Variants in TAS1R1 observed in about 807,000 individuals in gnomAD.
TAS1R1 encodes taste 1 receptor member 1.
In TAS1R1, 31 loss-of-function variants were observed where a neutral mutation model predicts 45.8. The ratio of observed to expected loss-of-function variants is 0.68; its 90% CI spans 0.51 to 0.91. The LOEUF is 0.91. Ranked by LOEUF, TAS1R1 falls within the 40% of genes least tolerant of loss-of-function variation. The probability of loss-of-function intolerance (pLI) is 0.00; values close to 1 mark genes in which losing one functional copy is unlikely to be tolerated. For missense variants in TAS1R1, 1,051 were observed against 1,063.9 expected (o/e 0.99, Z 0.17); for synonymous variants, 437 against 448.4 (o/e 0.97, Z 0.32).
intron 1 of TAS1R1, among the ~76,000 whole-genome samples, chr1:6,561,936 G>C (rs3986418): frequency 0.79 from 120,821 of 152,030 alleles, 49,215 homozygotes; most frequent in Non-Finnish European, 0.88. Flanking sequence ...GGGGCCAACT[G>C]TAGTATGGAG....
chr1:6,575,957 G>A (rs921484384), intron 3 of TAS1R1, among the ~76,000 whole-genome samples: 29 of 152,124 alleles, frequency 1.9e-4, no homozygotes, highest in African/African-American at 6.8e-4. Context: ...TCCTCCCAAA[G>A]TGCTGGGATT....
intron 1 of TAS1R1, among the ~76,000 whole-genome samples, chr1:6,556,575 A>G (rs1234674196): frequency 6.6e-6 from 1 of 151,162 alleles, no homozygotes; most frequent in Non-Finnish European, 1.5e-5. Context: ...TAATTTTTGT[A>G]TTTTTCGTAG....
At chr1:6,559,666 A>C (rs1406558426) in intron 1 of TAS1R1, among the ~76,000 whole-genome samples, 1 of 150,556 alleles carries the variant, frequency 6.6e-6, no homozygotes, top group Non-Finnish European at 1.5e-5. Context: ...CTCAAAAAAA[A>C]AAAAAAAGCC....
Position 6,575,288 on chromosome 1 carries a change from G to A in TAS1R1, c.1156G>A (p.Ala386Thr), listed in dbSNP as rs1640136217. 1 of 1,613,140 alleles carries A rather than the reference G, an allele frequency of 6.2e-7. No individual in the cohort carries two copies. The highest frequency in any genetic ancestry group is 2.2e-5 in the East Asian group (1 of 44,882). Residue 386 changes from alanine to threonine, a missense_variant, in exon 3 of 6, where the codon GCC becomes ACC. Physicochemically the swap from Ala to Thr is moderately conservative, Grantham distance 58. Coordinates refer to ENST00000333172, the MANE Select transcript of TAS1R1 (RefSeq NM_138697.4). ...GCTCAAAGCCTTCTCCATGAGTTCT[G>A]CCTACAACGCATACCGGGCTGTGTA... ...PKLKAFSMSS[A>T]YNAYRAVYAV... is the part of the protein sequence containing the mutation.
rs200570210 is a variant in TAS1R1, at chr1:6,576,513, C to G, written c.1359C>G (p.Ala453=). The change falls in exon 4 of 6, where the codon GCC becomes GCG. Residue 453 remains alanine (A), a synonymous_variant. Transcript: ENST00000333172. Reference sequence around the variant, plus strand: ...CCCTCAGTAGCTATAACATAATTGCCTGGGACTGGAATGGACCCAAGTGGA... The same window carrying G: ...CCCTCAGTAGCTATAACATAATTGCGTGGGACTGGAATGGACCCAAGTGGA... ...RDPLSSYNII[A]WDWNGPKWTF... is the part of the protein sequence containing the mutation. 1.2e-5 allele frequency: 20 copies of G among 1,614,142 alleles called. No homozygotes were observed. Among genetic ancestry groups the G allele is most frequent in the Non-Finnish European group, 1.3e-5 (15 of 1,180,060 alleles).
intron 1 of TAS1R1, among the ~76,000 whole-genome samples, chr1:6,555,923 C>G (rs1217104795): frequency 8.3e-6 from 1 of 120,410 alleles, no homozygotes; most frequent in African/African-American, 3.0e-5. Context: ...CCAGGTGGGA[C>G]TGCAGTGGCG....
chr1:6,566,689 A>G (rs933361314), intron 1 of TAS1R1, among the ~76,000 whole-genome samples: 2 of 152,144 alleles, frequency 1.3e-5, no homozygotes, highest in African/African-American at 4.8e-5. Flanking sequence ...TCCACCTCCC[A>G]GGTTCGCACC....
At chr1:6,571,306 G>T in intron 2 of TAS1R1, 91 bp downstream of exon 2, 2 of 1,380,888 alleles carry the variant, frequency 1.4e-6, no homozygotes, top group Non-Finnish European at 9.7e-7. Flanking sequence ...CCCCAAGGCT[G>T]CCTGCCCCCT....
rs1640178821 is a variant in TAS1R1, at chr1:6,576,547, G to A, written c.1393G>A (p.Val465Ile). The A allele has an allele frequency of 1.9e-6, 3 of 1,614,232 alleles. No homozygotes were observed. The highest frequency in any genetic ancestry group is 2.5e-6 in the Non-Finnish European group (3 of 1,180,050). ...GAATGGACCCAAGTGGACCTTCACG[G>A]TCCTCGGTTCCTCCACATGGTCTCC... ...DWNGPKWTFTVLGSSTWSPVQ... is the reference protein window; with the variant it reads ...DWNGPKWTFTILGSSTWSPVQ... Residue 465 changes from valine (V) to isoleucine (I), a missense_variant, in exon 4 of 6, where the codon GTC (valine) becomes ATC (isoleucine). Val to Ile is a conservative substitution (Grantham distance 29, BLOSUM62 3). Transcript: ENST00000333172.
At chr1:6,555,778 GTTGTA>G (rs1227107915) in intron 1 of TAS1R1, among the ~76,000 whole-genome samples, 3 of 149,944 alleles carry the variant, frequency 2.0e-5, no homozygotes, top group Admixed American at 6.7e-5. Context: ...GTTAGAATGT[GTTGTA>G]TTGTAACTTC....
In TAS1R1 at chr1:6,574,057, A is replaced by T. The variant is rs1405936793; in HGVS notation, c.499-574A>T. Among the ~76,000 whole-genome samples, 1 of 152,200 alleles carries T rather than the reference A, an allele frequency of 6.6e-6. No individual in the cohort carries two copies. Among genetic ancestry groups the T allele is most frequent in the African/African-American group, 2.4e-5 (1 of 41,440 alleles). ...TGTTTTCCTACAACTAGATGGTCCCATCTGGGGGTGATGGGAGACAGTGAC... is the reference window on the plus strand; with the variant it reads ...TGTTTTCCTACAACTAGATGGTCCCTTCTGGGGGTGATGGGAGACAGTGAC... On this transcript the variant is annotated intron_variant, in intron 2 of 5. Transcript: ENST00000333172. The surrounding 1 kb of genome is among the most constrained non-coding windows in gnomAD (Gnocchi z 4.3).
At chr1:6,578,566 A>G in intron 5 of TAS1R1, 87 bp from the exon 6 acceptor site, 1 of 1,508,048 alleles carries the variant, frequency 6.6e-7, no homozygotes, top group Non-Finnish European at 8.9e-7. Context: ...GCCCTGGTAC[A>G]ATTCTCCCAG....
intron 1 of TAS1R1, among the ~76,000 whole-genome samples, chr1:6,569,656 A>C (rs1308504162): frequency 1.3e-5 from 2 of 152,056 alleles, no homozygotes; most frequent in Non-Finnish European, 2.9e-5. Context: ...GCCGGTCAAC[A>C]AGGATGGTGG....
intron 1 of TAS1R1, among the ~76,000 whole-genome samples, chr1:6,570,304 GA>G (rs938428580): frequency 1.6e-4 from 25 of 152,086 alleles, no homozygotes. Context: ...GATGTTAGGG[GA>G]AAAAACAACA....
In TAS1R1 at chr1:6,555,866, C is replaced by CCTTTTTTTTTTTT. The variant is rs1553185410; in HGVS notation, c.191+302_191+303insCTTTTTTTTTTTT. Among the ~76,000 whole-genome samples the CCTTTTTTTTTTTT allele has an allele frequency of 2.9e-4, 28 of 95,304 alleles. 1 individual carries two copies. The highest frequency in any genetic ancestry group is 4.6e-4 in the Admixed American group (3 of 6,452). 62.5% of individuals were successfully genotyped at this position (95,304 alleles called of 152,430 possible). A position where few individuals can be genotyped will look rare whatever the true frequency, so the allele number is the denominator to read the frequency against. ...AAGCAAGGGCAGCTTTTTCCCTCTT[C>CCTTTTTTTTTTTT]TTTTTTTTTTTTTTTTTTTTTTTGA... On this transcript the variant is annotated intron_variant, in intron 1 of 5. Transcript: ENST00000333172.
At chr1:6,572,571 G>A (rs1391652724) in intron 2 of TAS1R1, among the ~76,000 whole-genome samples, 1 of 151,952 alleles carries the variant, frequency 6.6e-6, no homozygotes, top group African/African-American at 2.4e-5. Context: ...TGACATTTTT[G>A]ACCAGTCCTC....
chr1:6,560,616 G>C (rs1199368997), intron 1 of TAS1R1, among the ~76,000 whole-genome samples: 1 of 152,144 alleles, frequency 6.6e-6, no homozygotes, highest in African/African-American at 2.4e-5. Flanking sequence ...GCCGGGTTGG[G>C]TCCCTAACAT....
chr1:6,566,216 C>A (rs76948507), intron 1 of TAS1R1, among the ~76,000 whole-genome samples: 1,948 of 152,266 alleles, frequency 0.013, 32 homozygotes, highest in Middle Eastern at 0.078. Flanking sequence ...TGGAGAAGGA[C>A]AGTCCCTATG....
Position 6,555,434 on chromosome 1 carries a change from TTTGCC to T in TAS1R1, c.63_67del (p.Phe21LeufsTer3). The T allele has an allele frequency of 6.2e-7, 1 of 1,607,422 alleles. No homozygotes were observed. The highest frequency in any genetic ancestry group is 8.5e-7 in the Non-Finnish European group (1 of 1,177,556). Reference sequence around the variant, plus strand: ...GCTTCTCATTTCCTGCTGCTGGGCCTTTGCCTGCCATAGCACGGAGTCTTCTCCTG... The same window carrying T: ...GCTTCTCATTTCCTGCTGCTGGGCCTTGCCATAGCACGGAGTCTTCTCCTG... On this transcript the variant is annotated frameshift_variant, in exon 1 of 6. Transcript: ENST00000333172. LOFTEE classifies it high-confidence loss of function.
Sources: allele counts gnomAD v4.1 joint callset (sites outside exome capture counted in the v4.1 genomes callset), GRCh38; gene constraint gnomAD v4.1.1; non-coding constraint Gnocchi (gnomAD v3.1); transcripts MANE v1.5; gene names NCBI Gene and HGNC (gene_info 2026-07-23, HGNC 2026-07-21).